The following SPDYC variants were observed in gnomAD, a reference collection of about 807,000 sequenced individuals.
The protein encoded by SPDYC is speedy/RINGO cell cycle regulator family member C.
A neutral mutation model predicts 33.9 loss-of-function variants in SPDYC; 25 were observed. That is an observed-to-expected ratio of 0.74 (90% CI 0.54 to 1.03). The LOEUF is 1.03. Among genes scored for constraint, SPDYC ranks in the 50% least tolerant of loss-of-function variants. SPDYC has a pLI of 0.00. For synonymous variants in SPDYC, 133 were observed against 140.2 expected (o/e 0.95, Z 0.36); for missense variants, 349 against 382.9 (o/e 0.91, Z 0.74).
intron 1 of SPDYC, 23 bp downstream of exon 1, chr11:65,170,284 G>T: frequency 6.4e-7 from 1 of 1,571,614 alleles, no homozygotes. Flanking sequence ...GCAGGAGGAG[G>T]CTGGGTTGCT....
At chr11:65,172,371 G>T in intron 4 of SPDYC, 40 bp downstream of exon 4, 1 of 1,614,146 alleles carries the variant, frequency 6.2e-7, no homozygotes, top group Non-Finnish European at 8.5e-7. Context: ...TTTGCTGGAG[G>T]TGTCAGATGG....
At chr11:65,172,102 C>A (rs1019597173) in intron 3 of SPDYC, 101 bp downstream of exon 3, 50 of 1,490,478 alleles carry the variant, frequency 3.4e-5, no homozygotes, top group Middle Eastern at 1.7e-4. Flanking sequence ...TCCATCCTTA[C>A]CCCCTCATCT....
downstream of SPDYC, chr11:65,173,359 C>G: frequency 9.8e-7 from 1 of 1,016,552 alleles, no homozygotes; most frequent in Non-Finnish European, 1.4e-6. Context: ...TTCATGTCCA[C>G]AGGACACCAA....
chr11:65,173,371 T>A (rs1948462487), downstream of SPDYC: 3 of 909,156 alleles, frequency 3.3e-6, no homozygotes, highest in East Asian at 2.7e-5. Flanking sequence ...GGACACCAAC[T>A]GTGCTTAGGT....
rs947521475 is a variant in SPDYC, at chr11:65,171,769, T to A, written c.200-174T>A. Reference sequence around the variant, plus strand: ...GAGTTCAAGACCAGCCTGGTCAACATAGTGAGACTCCATTTCTATTTATAT... The same window carrying A: ...GAGTTCAAGACCAGCCTGGTCAACAAAGTGAGACTCCATTTCTATTTATAT... On this transcript the variant is annotated intron_variant, in intron 2 of 6. Transcript: ENST00000377185. Among the ~76,000 whole-genome samples the A allele has an allele frequency of 3.3e-5, 5 of 151,892 alleles. No individual in the cohort carries two copies. The South Asian group carries it at 6.3e-4, about 19-fold the overall frequency.
intron 3 of SPDYC, 90 bp downstream of exon 3, chr11:65,172,091 T>C: frequency 2.6e-6 from 4 of 1,511,416 alleles, no homozygotes; most frequent in Non-Finnish European, 3.7e-6. Context: ...GCCACTCACC[T>C]TCCATCCTTA....
exon 6 of SPDYC, chr11:65,172,746 G>T (rs1948452411): frequency 1.2e-6 from 2 of 1,613,818 alleles, no homozygotes; most frequent in Non-Finnish European, 1.7e-6. Flanking sequence ...ACCATGGTGG[G>T]GTTCAGAGGG....
rs759161629 is a variant in SPDYC, at chr11:65,171,937, C to A, written c.200-6C>A. 7 of 1,613,996 alleles carry A rather than the reference C, an allele frequency of 4.3e-6. No individual in the cohort carries two copies. The highest frequency in any genetic ancestry group is 2.7e-5 in the African/African-American group (2 of 74,980). On this transcript the variant is annotated splice_polypyrimidine_tract_variant and splice_region_variant and intron_variant, in intron 2 of 6. Coordinates refer to ENST00000377185, the Ensembl canonical transcript of SPDYC. Reference sequence around the variant, plus strand: ...CTGCGTCCTGTCATGTCTTCTCTACCCTCAGAGGACAGTTTTGTCCAGGAA... The same window carrying A: ...CTGCGTCCTGTCATGTCTTCTCTACACTCAGAGGACAGTTTTGTCCAGGAA...
chr11:65,172,945 TG>T lies in SPDYC; in HGVS notation c.782del (p.Gly261ValfsTer?). On this transcript the variant is annotated frameshift_variant, in exon 6 of 7. Transcript: ENST00000377185. LOFTEE classifies it high-confidence loss of function. ...TTATCTCTCAAGGGTCAAAAACGCC[TG>T]GGGTGGGGACTTTCTCATCGTCTTG... 6.2e-7 allele frequency: 1 copy of T among 1,614,132 alleles called. No individual in the cohort carries two copies. The highest frequency in any genetic ancestry group is 8.5e-7 in the Non-Finnish European group (1 of 1,180,020).
At chr11:65,171,849 T>C in intron 2 of SPDYC, 94 bp from the exon 3 acceptor site, 1 of 1,049,980 alleles carries the variant, frequency 9.5e-7, no homozygotes, top group Non-Finnish European at 1.5e-6. Context: ...AGAGAGAGGG[T>C]TCAGTGGTGG....
intron 1 of SPDYC, among the ~76,000 whole-genome samples, chr11:65,170,544 G>T (rs1017299980): frequency 2.0e-5 from 3 of 152,128 alleles, no homozygotes; most frequent in Non-Finnish European, 4.4e-5. Flanking sequence ...TTTGGTGAGG[G>T]GTCGGGGGTG....
At chr11:65,171,220 CAA>C in intron 1 of SPDYC, 105 bp from the exon 2 acceptor site, 1 of 1,266,192 alleles carries the variant, frequency 7.9e-7, no homozygotes, top group East Asian at 2.8e-5. Flanking sequence ...TCTGAGCCCC[CAA>C]GTCTCTGCAC....
At chr11:65,172,955 A>T in exon 6 of SPDYC, 1 of 1,613,978 alleles carries the variant, frequency 6.2e-7, no homozygotes, top group Non-Finnish European at 8.5e-7. Context: ...TGGGGTGGGG[A>T]CTTTCTCATC....
intron 3 of SPDYC, 22 bp from the exon 4 acceptor site, chr11:65,172,224 C>T: frequency 1.2e-6 from 2 of 1,613,936 alleles, no homozygotes; most frequent in Non-Finnish European, 1.7e-6. Context: ...AACTAACCCC[C>T]CACCCCGATC....
chr11:65,171,923 C>T lies in SPDYC; in HGVS notation c.200-20C>T. 1 of 1,613,436 alleles carries T rather than the reference C, an allele frequency of 6.2e-7. No homozygotes were observed. Among genetic ancestry groups the T allele is most frequent in the Non-Finnish European group, 8.5e-7 (1 of 1,179,440 alleles). ...GAGGTGGTGGTAACCTGCGTCCTGT[C>T]ATGTCTTCTCTACCCTCAGAGGACA... On this transcript the variant is annotated intron_variant, in intron 2 of 6. Transcript: ENST00000377185.
exon 6 of SPDYC, chr11:65,172,744 G>A: frequency 1.9e-6 from 3 of 1,613,642 alleles, no homozygotes; most frequent in Non-Finnish European, 2.5e-6. Context: ...CCACCATGGT[G>A]GGGTTCAGAG....
At chr11:65,171,352 T>C (rs368854419) in exon 2 of SPDYC, 30 of 1,612,474 alleles carry the variant, frequency 1.9e-5, no homozygotes, top group Non-Finnish European at 2.5e-5. Context: ...CTCCATCTCC[T>C]ATGAGATGAG....
chr11:65,173,370 C>T, downstream of SPDYC: 4 of 942,428 alleles, frequency 4.2e-6, no homozygotes, highest in Non-Finnish European at 6.2e-6. Context: ...AGGACACCAA[C>T]TGTGCTTAGG....
intron 3 of SPDYC, 116 bp from the exon 4 acceptor site, chr11:65,172,130 C>A (rs1020955522): frequency 1.3e-4 from 195 of 1,499,480 alleles, no homozygotes; most frequent in Non-Finnish European, 1.8e-4. Context: ...CCACTTCCCA[C>A]CATTTTACTG....
Sources: allele counts gnomAD v4.1 joint callset (sites outside exome capture counted in the v4.1 genomes callset), GRCh38; gene constraint gnomAD v4.1.1; transcripts MANE v1.5; gene names NCBI Gene and HGNC (gene_info 2026-07-23, HGNC 2026-07-21).